Variants in UNC5C observed in about 807,000 individuals in gnomAD.
UNC5C encodes the protein unc-5 netrin receptor C, also known as netrin receptor UNC5C.
Under a neutral mutation model 99.8 loss-of-function variants are expected in UNC5C, and 47 were observed. That is an observed-to-expected ratio of 0.47 (90% CI 0.37 to 0.60). The LOEUF (loss-of-function observed/expected upper bound fraction) is 0.60. Ranked by LOEUF, UNC5C falls within the 20% of genes least tolerant of loss-of-function variation. UNC5C has a pLI of 0.00. For missense variants in UNC5C, 1,062 were observed against 1,165.9 expected, an observed-to-expected ratio of 0.91 and a Z score of 1.30; for synonymous variants, 487 against 452.2, an observed-to-expected ratio of 1.08 and a Z score of -0.98.
At chr4:95,479,252 T>C (rs1227319348) in intron 1 of UNC5C, among the ~76,000 whole-genome samples, 1 of 152,034 alleles carries the variant, frequency 6.6e-6, no homozygotes, top group Non-Finnish European at 1.5e-5. Context: ...AAATATTATA[T>C]TCCATTAACT....
At chr4:95,488,511 C>G (rs914760264) in intron 1 of UNC5C, among the ~76,000 whole-genome samples, 1 of 151,828 alleles carries the variant, frequency 6.6e-6, no homozygotes, top group Admixed American at 6.6e-5. Context: ...AACAGGCACA[C>G]TCAACATGTT....
intron 4 of UNC5C, among the ~76,000 whole-genome samples, chr4:95,270,665 A>C (rs889598724): frequency 2.0e-5 from 3 of 152,236 alleles, no homozygotes; most frequent in Non-Finnish European, 2.9e-5. Flanking sequence ...AAGTTCAACT[A>C]TGAGGAGATA....
At chr4:95,541,095 A>G (rs1333307467) in intron 1 of UNC5C, among the ~76,000 whole-genome samples, 2 of 152,186 alleles carry the variant, frequency 1.3e-5, no homozygotes, top group Non-Finnish European at 2.9e-5. Context: ...AAGAGTCCCA[A>G]ATTGCTCCTT....
intron 1 of UNC5C, among the ~76,000 whole-genome samples, chr4:95,402,394 C>T (rs769247976): frequency 6.6e-6 from 1 of 152,216 alleles, no homozygotes; most frequent in African/African-American, 2.4e-5. Flanking sequence ...ATCAAGCACA[C>T]TTCTCTCAGG....
At chr4:95,460,783 C>T (rs75333914) in intron 1 of UNC5C, among the ~76,000 whole-genome samples, 2,577 of 152,186 alleles carry the variant, frequency 0.017, 69 homozygotes, top group African/African-American at 0.059. Context: ...CTACAAAATC[C>T]CTTTTGACAA....
intron 4 of UNC5C, among the ~76,000 whole-genome samples, chr4:95,276,833 C>A (rs2865417): frequency 1.3e-5 from 2 of 151,326 alleles, no homozygotes; most frequent in African/African-American, 4.9e-5. Context: ...CAAATTAAGG[C>A]AAAAAAATAA....
chr4:95,306,866 G>A (rs1026691012), intron 2 of UNC5C, among the ~76,000 whole-genome samples: 1 of 152,118 alleles, frequency 6.6e-6, no homozygotes, highest in Admixed American at 6.5e-5. Flanking sequence ...ATACAAAGCT[G>A]CAGGTTGGGA....
chr4:95,466,007 G>C (rs1560843536), intron 1 of UNC5C, among the ~76,000 whole-genome samples: 1 of 152,100 alleles, frequency 6.6e-6, no homozygotes, highest in Non-Finnish European at 1.5e-5. Context: ...TGGTCATTCT[G>C]ATGAGCCTGT....
intron 3 of UNC5C, among the ~76,000 whole-genome samples, chr4:95,291,514 T>C (rs575749483): frequency 7.0e-4 from 107 of 152,184 alleles, no homozygotes; most frequent in Non-Finnish European, 1.1e-3. Flanking sequence ...TCCCCCAAAA[T>C]ATGACTTATG....
At chr4:95,485,623 T>C (rs1313790874) in intron 1 of UNC5C, among the ~76,000 whole-genome samples, 1 of 151,790 alleles carries the variant, frequency 6.6e-6, no homozygotes, top group African/African-American at 2.4e-5. Flanking sequence ...GAAAACTGAA[T>C]GATGATGATA....
At chr4:95,193,238 A>G (rs1737229764) in intron 12 of UNC5C, among the ~76,000 whole-genome samples, 2 of 152,186 alleles carry the variant, frequency 1.3e-5, no homozygotes, top group African/African-American at 4.8e-5. Flanking sequence ...GGAGGTAGCT[A>G]CTGAGGGAAA....
chr4:95,183,171 CCT>C (rs1313751767), intron 13 of UNC5C, 110 bp from the exon 14 acceptor site: 1 of 1,073,864 alleles, frequency 9.3e-7, no homozygotes, highest in African/African-American at 1.6e-5. Context: ...CTCATTTAAT[CCT>C]CACAACAGCC....
intron 1 of UNC5C, among the ~76,000 whole-genome samples, chr4:95,433,039 A>G (rs1578160665): frequency 6.6e-6 from 1 of 152,078 alleles, no homozygotes; most frequent in African/African-American, 2.4e-5. Flanking sequence ...AAAACTTTAA[A>G]AGTAGAATCT....
At chr4:95,399,323 G>C (rs966635005) in intron 1 of UNC5C, among the ~76,000 whole-genome samples, 4 of 152,154 alleles carry the variant, frequency 2.6e-5, no homozygotes, top group African/African-American at 2.4e-5. Flanking sequence ...GGGAAATACT[G>C]TCAACAACTC....
intron 1 of UNC5C, among the ~76,000 whole-genome samples, chr4:95,368,041 C>T (rs1050794290): frequency 6.6e-6 from 1 of 152,114 alleles, no homozygotes. Context: ...AACCCAGACA[C>T]AGTCTAAATC....
chr4:95,338,824 G>A (rs1354597693), intron 1 of UNC5C, among the ~76,000 whole-genome samples: 1 of 152,036 alleles, frequency 6.6e-6, no homozygotes, highest in Non-Finnish European at 1.5e-5. Context: ...ATTATAAGAT[G>A]TTTTAACAAT....
At chr4:95,292,229 A>ACC (rs1477095042) in intron 3 of UNC5C, among the ~76,000 whole-genome samples, 4 of 87,908 alleles carry the variant, frequency 4.6e-5, no homozygotes, top group African/African-American at 2.2e-4. Flanking sequence ...ACACACACAC[A>ACC]CACACACATA....
chr4:95,495,856 A>G (rs2149482782), intron 1 of UNC5C, among the ~76,000 whole-genome samples: 1 of 151,894 alleles, frequency 6.6e-6, no homozygotes, highest in South Asian at 2.1e-4. Flanking sequence ...AAGAAAATTC[A>G]AAGATTTACT....
At chr4:95,448,370 A>G (rs539625965) in intron 1 of UNC5C, among the ~76,000 whole-genome samples, 108 of 152,120 alleles carry the variant, frequency 7.1e-4, no homozygotes, top group Admixed American at 1.8e-3. Context: ...GAGGCAACCC[A>G]TACGACCCCT....
Sources: gnomAD v4.1 joint callset for allele counts (sites outside exome capture counted in the v4.1 genomes callset) on GRCh38, gnomAD v4.1.1 for gene constraint, MANE v1.5 for transcripts, NCBI Gene and HGNC (gene_info 2026-07-23, HGNC 2026-07-21) for gene names.